Variants in SYT3 observed in about 807,000 individuals in gnomAD.
SYT3 encodes synaptotagmin-3.
A neutral mutation model predicts 50.6 loss-of-function variants in SYT3; 25 were observed. The observed-to-expected ratio is 0.49, with a 90% confidence interval of 0.36 to 0.69. SYT3 has a LOEUF of 0.69. Among genes scored for constraint, SYT3 ranks in the 30% least tolerant of loss-of-function variants. The probability of loss-of-function intolerance (pLI) is 0.00; values close to 1 mark genes in which losing one functional copy is unlikely to be tolerated. For missense variants in SYT3, 589 were observed against 793.6 expected (o/e 0.74, Z 3.10); for synonymous variants, 323 against 353.9 (o/e 0.91, Z 0.98).
rs868592367 is a variant in SYT3 at position 50,629,450 on chromosome 19, G to A, written c.1125C>T (p.Ala375=). The change falls in exon 6 of 11, where the codon GCC becomes GCT. Residue 375 remains alanine, a synonymous_variant. Transcript: ENST00000600079. Reference sequence around the variant, plus strand: ...AGTGCAGTTTGCGTTGGGCCAGCTCGGCCAGGGGCACCGAGAATTGAAACG... The same window carrying A: ...AGTGCAGTTTGCGTTGGGCCAGCTCAGCCAGGGGCACCGAGAATTGAAACG... ...NETFQFSVPL[A]ELAQRKLHFS... The A allele has an allele frequency of 3.1e-5, 50 of 1,613,926 alleles. No individual in the cohort carries two copies. The highest frequency in any genetic ancestry group is 1.6e-4 in the Middle Eastern group (1 of 6,082).
chr19:50,624,210 C>A (rs1983960794), intron 9 of SYT3, among the ~76,000 whole-genome samples: 3 of 152,174 alleles, frequency 2.0e-5, no homozygotes, highest in Admixed American at 1.3e-4. Flanking sequence ...AGTGATCCAC[C>A]CACCTTGGCC....
intron 4 of SYT3, among the ~76,000 whole-genome samples, chr19:50,631,167 C>CTTTTT (rs869146014): frequency 9.7e-5 from 2 of 20,714 alleles, no homozygotes; most frequent in Non-Finnish European, 2.5e-4. Context: ...TTCTTTCTTT[C>CTTTTT]TTTTTTTTTT....
In SYT3 at chr19:50,625,662, G is replaced by T. The variant is rs1181221248; in HGVS notation, c.1403-98C>A. On this transcript the variant is annotated intron_variant, in intron 7 of 10. Coordinates refer to ENST00000600079, the MANE Select transcript of SYT3 (RefSeq NM_001160329.2). This position sits in a 1 kb window ranked among gnomAD's most constrained non-coding sequence, Gnocchi z 7.5. ...AGCCCCTCCTCCCTCAGACCCAGAG[G>T]TCCGGGGCCCCAGGCCCCCAGTCCC... is the stretch of plus-strand genomic sequence containing the variant. The T allele has an allele frequency of 1.5e-5, 22 of 1,455,108 alleles. No homozygotes were observed. Among genetic ancestry groups the T allele is most frequent in the Non-Finnish European group, 1.7e-5 (19 of 1,098,682 alleles). The allele number at this position is 1,455,108 out of a possible 1,614,324, so 90.1% of individuals were successfully genotyped here. A position where few individuals can be genotyped will look rare whatever the true frequency, so the allele number is the denominator to read the frequency against.
chr19:50,656,823 G>A, the SYT3 span, among the ~76,000 whole-genome samples: 5 of 152,104 alleles, frequency 3.3e-5, no homozygotes, highest in Non-Finnish European at 7.4e-5. Flanking sequence ...GTGGTGGCAG[G>A]TGGCTGGAAT....
the SYT3 span, chr19:50,656,195 A>T: frequency 6.5e-7 from 1 of 1,536,100 alleles, no homozygotes; most frequent in Non-Finnish European, 8.7e-7. Context: ...CCCTGACCTC[A>T]GAGGTCCCTG....
the SYT3 span, chr19:50,649,794 C>G: frequency 2.9e-5 from 16 of 556,260 alleles, no homozygotes; most frequent in African/African-American, 2.4e-4. Flanking sequence ...CATTCTTCTC[C>G]TAGGTAACCT....
In SYT3 at chr19:50,632,286, C is replaced by T. The variant is rs760217677; in HGVS notation, c.674G>A (p.Arg225Lys). 6.4e-7 allele frequency: 1 copy of T among 1,563,086 alleles called. No individual in the cohort carries two copies. The highest frequency in any genetic ancestry group is 1.2e-5 in the South Asian group (1 of 85,072). The change falls in exon 4 of 11, where the codon AGG becomes AAG. Residue 225 changes from arginine (R) to lysine (K), a missense_variant and splice_region_variant. Transcript: ENST00000600079. This position sits in a 1 kb window ranked among gnomAD's most constrained non-coding sequence, Gnocchi z 4.7. Reference protein sequence around the residue: ...QQVTSLAPTTRYPALPRPLTQ... With the variant: ...QQVTSLAPTTKYPALPRPLTQ... ...CCCCCAACCCAGTATCCTCTCTCAC[C>T]TGGTAGTGGGTGCCAGGCTTGTGAC...
chr19:50,626,755 A>AAG (rs1328424604), intron 6 of SYT3, among the ~76,000 whole-genome samples: 1 of 146,134 alleles, frequency 6.8e-6, no homozygotes, highest in African/African-American at 2.6e-5. Context: ...CAGAGAGAGA[A>AAG]AGAGAGAGAG....
the SYT3 span, among the ~76,000 whole-genome samples, chr19:50,646,057 A>C: frequency 6.6e-6 from 1 of 152,298 alleles, no homozygotes; most frequent in East Asian, 1.9e-4. Flanking sequence ...GACACAGAGG[A>C]GCAGAGAGAG....
the SYT3 span, among the ~76,000 whole-genome samples, chr19:50,650,085 C>A: frequency 6.6e-6 from 1 of 152,204 alleles, no homozygotes; most frequent in Non-Finnish European, 1.5e-5. Context: ...TTTCTCTCCT[C>A]CTACCTATCC....
the SYT3 span, among the ~76,000 whole-genome samples, chr19:50,648,470 A>C: frequency 1.3e-5 from 2 of 152,192 alleles, no homozygotes; most frequent in Non-Finnish European, 2.9e-5. Context: ...AAATAAGCGA[A>C]GGTCCAGCTT....
rs1300916485 is a variant in SYT3 at position 50,637,670 on chromosome 19, A to C, written c.-15-244T>G. On this transcript the variant is annotated intron_variant, in intron 2 of 10. Transcript: ENST00000600079. The surrounding 1 kb of genome is among the most constrained non-coding windows in gnomAD (Gnocchi z 4.9). ...ACAGACAAGAGGGCAGAAATTAGGG[A>C]TGGAGATAGTAGCAGGGACTGGGTA... is the stretch of plus-strand genomic sequence containing the variant. 1.2e-5 allele frequency: 5 copies of C among 421,494 alleles called. No homozygotes were observed. In the East Asian group the frequency reaches 1.5e-4, roughly 13 times the overall value. 26.1% of individuals were successfully genotyped at this position (421,494 alleles called of 1,614,324 possible).
chr19:50,644,790 G>T (rs1196254421), upstream of SYT3, among the ~76,000 whole-genome samples: 1 of 151,788 alleles, frequency 6.6e-6, no homozygotes, highest in African/African-American at 2.4e-5. Flanking sequence ...GGTAGATGGA[G>T]AATTAGATAA....
the SYT3 span, among the ~76,000 whole-genome samples, chr19:50,655,799 T>C: frequency 6.6e-6 from 1 of 152,214 alleles, no homozygotes; most frequent in Non-Finnish European, 1.5e-5. Flanking sequence ...AGGCTCCCAC[T>C]GGCGCCCCTG....
At chr19:50,627,276 A>G (rs751269004) in intron 6 of SYT3, among the ~76,000 whole-genome samples, 4 of 152,064 alleles carry the variant, frequency 2.6e-5, no homozygotes, top group Admixed American at 6.5e-5. Context: ...TCGTTCCACA[A>G]GCTCCCAGAT....
chr19:50,646,795 G>A, the SYT3 span, among the ~76,000 whole-genome samples: 1 of 151,664 alleles, frequency 6.6e-6, no homozygotes, highest in Non-Finnish European at 1.5e-5. Flanking sequence ...AAATAAGGTG[G>A]GATGTGTGGG....
At chr19:50,656,078 A>T in the SYT3 span, 1 of 1,536,140 alleles carries the variant, frequency 6.5e-7, no homozygotes, top group Non-Finnish European at 8.7e-7. Flanking sequence ...TGGAGACCCC[A>T]GAGGAGATGC....
In SYT3 at chr19:50,632,634, A is replaced by G; in HGVS notation, c.326T>C (p.Leu109Pro). ...DLGPGVGLAG[L>P]VGGGGHHLAA... The stretch of plus-strand genomic sequence containing the variant: ...CAGGTGGTGCCCGCCTCCGCCTACC[A>G]GGCCTGCCAGCCCGACACCAGGGCC... Residue 109 changes from leucine (L) to proline (P), a missense_variant, in exon 4 of 11, where the codon CTG becomes CCG. By Grantham distance (98) the Leu-to-Pro change is moderately conservative (BLOSUM62 -3). Coordinates refer to ENST00000600079, the MANE Select transcript of SYT3 (RefSeq NM_001160329.2). This position sits in a 1 kb window ranked among gnomAD's most constrained non-coding sequence, Gnocchi z 4.7. The G allele has an allele frequency of 1.3e-6, 2 of 1,581,814 alleles. No individual in the cohort carries two copies. The highest frequency in any genetic ancestry group is 1.1e-5 in the South Asian group (1 of 89,102).
chr19:50,640,041 A>G (rs1320261479), upstream of SYT3, among the ~76,000 whole-genome samples: 1 of 152,156 alleles, frequency 6.6e-6, no homozygotes, highest in Non-Finnish European at 1.5e-5. Context: ...GGACCCAGAG[A>G]TCTAGGATCA....
Sources: gnomAD v4.1 joint callset for allele counts (sites outside exome capture counted in the v4.1 genomes callset) on GRCh38, gnomAD v4.1.1 for gene constraint, Gnocchi (gnomAD v3.1) non-coding constraint, MANE v1.5 for transcripts, NCBI Gene and HGNC (gene_info 2026-07-23, HGNC 2026-07-21) for gene names.